The following DCAF1 variants were observed in gnomAD, a reference collection of about 807,000 sequenced individuals.
DCAF1 encodes DDB1 and CUL4 associated factor 1, also known as DDB1- and CUL4-associated factor 1.
Under a neutral mutation model 128.0 loss-of-function variants are expected in DCAF1, and 15 were observed. That is an observed-to-expected ratio of 0.12 (90% CI 0.08 to 0.18). The LOEUF is 0.18. Ranked by LOEUF, DCAF1 falls within the 10% of genes least tolerant of loss-of-function variation. The probability of loss-of-function intolerance (pLI) is 1.00; values close to 1 mark genes in which losing one functional copy is unlikely to be tolerated. For synonymous variants in DCAF1, 610 were observed against 603.0 expected, an observed-to-expected ratio of 1.01 and a Z score of -0.17; for missense variants, 988 against 1,649.5, an observed-to-expected ratio of 0.60 and a Z score of 6.95.
intron 23 of DCAF1, among the ~76,000 whole-genome samples, chr3:51,410,184 A>G (rs1341130751): frequency 2.0e-5 from 3 of 152,218 alleles, no homozygotes; most frequent in African/African-American, 2.4e-5. Flanking sequence ...GGCCCTGAGG[A>G]AGGCTCTGCT....
chr3:51,421,584 T>G (rs902535504), intron 14 of DCAF1, among the ~76,000 whole-genome samples: 14 of 152,218 alleles, frequency 9.2e-5, no homozygotes, highest in Middle Eastern at 3.4e-3. Context: ...TTTAATACAC[T>G]AAAACCTTAG....
chr3:51,480,472 G>A lies in DCAF1; in HGVS notation c.110+3247C>T, dbSNP rs189953186. 3.3e-3 allele frequency among the ~76,000 whole-genome samples: 505 copies of A among 151,844 alleles called. 3 individuals carry two copies. The highest frequency in any genetic ancestry group is 3.4e-3 in the Middle Eastern group (1 of 294). On this transcript the variant is annotated intron_variant, in intron 3 of 24. Coordinates refer to ENST00000684031, the MANE Select transcript of DCAF1 (RefSeq NM_001387579.1). Reference sequence around the variant, plus strand: ...AAGCTGGGCGTGCGTGGTGGTGGGCGCCTGTAATCCCAGCTACTCGGGAGG... The same window carrying A: ...AAGCTGGGCGTGCGTGGTGGTGGGCACCTGTAATCCCAGCTACTCGGGAGG...
At chr3:51,490,609 A>C (rs1707521318) in intron 2 of DCAF1, among the ~76,000 whole-genome samples, 1 of 152,186 alleles carries the variant, frequency 6.6e-6, no homozygotes, top group African/African-American at 2.4e-5. Flanking sequence ...TGGTCTACAA[A>C]TAAAATGCAA....
At chr3:51,495,976 A>T (rs1312510637) in intron 2 of DCAF1, among the ~76,000 whole-genome samples, 3 of 150,938 alleles carry the variant, frequency 2.0e-5, no homozygotes, top group African/African-American at 7.3e-5. Flanking sequence ...CCAGAGCAAA[A>T]GTGCGAGACC....
chr3:51,458,566 A>G (rs1178596693), intron 6 of DCAF1, among the ~76,000 whole-genome samples: 2 of 152,214 alleles, frequency 1.3e-5, no homozygotes, highest in Non-Finnish European at 2.9e-5. Flanking sequence ...AAGCGGACCT[A>G]ACAGACATCT....
chr3:51,438,911 G>A (rs781815578), intron 9 of DCAF1, among the ~76,000 whole-genome samples: 31 of 152,048 alleles, frequency 2.0e-4, no homozygotes, highest in Non-Finnish European at 2.2e-4. Context: ...GCGCTGCGCC[G>A]AAGTGTTATA....
At chr3:51,458,595 A>G (rs1703185745) in intron 6 of DCAF1, among the ~76,000 whole-genome samples, 2 of 152,306 alleles carry the variant, frequency 1.3e-5, no homozygotes, top group South Asian at 4.1e-4. Flanking sequence ...CTCTACCCCA[A>G]ATCAACAGAA....
downstream of DCAF1, chr3:51,397,750 C>G (rs2089303349): frequency 6.0e-6 from 1 of 167,070 alleles, no homozygotes; most frequent in South Asian, 2.1e-4. Context: ...CTCTCCTTGC[C>G]TCTCCTGGAA....
chr3:51,461,639 A>G (rs1280372651), intron 6 of DCAF1, among the ~76,000 whole-genome samples: 2 of 152,206 alleles, frequency 1.3e-5, no homozygotes, highest in African/African-American at 2.4e-5. Flanking sequence ...ACTATTCACA[A>G]TAGCAAAGAC....
upstream of DCAF1, among the ~76,000 whole-genome samples, chr3:51,503,501 C>T (rs1272685055): frequency 2.0e-5 from 3 of 152,214 alleles, no homozygotes; most frequent in African/African-American, 7.2e-5. Flanking sequence ...TCCTGCGCTT[C>T]CTCCAGCAAT....
intron 6 of DCAF1, among the ~76,000 whole-genome samples, chr3:51,456,354 G>A (rs1381878791): frequency 6.6e-6 from 1 of 152,336 alleles, no homozygotes; most frequent in Middle Eastern, 3.4e-3. Flanking sequence ...CAGTGAGACT[G>A]GGGGAGGGGC....
At position 51,420,169 on chromosome 3, in the gene DCAF1, C is replaced by T. The variant is rs114108730; in HGVS notation, c.2801G>A (p.Arg934Gln). The change falls in exon 15 of 25, where the codon CGG (arginine) becomes CAG (glutamine). Residue 934 changes from arginine (R) to glutamine (Q), a missense_variant. By Grantham distance (43) the Arg-to-Gln change is conservative (BLOSUM62 1). Coordinates refer to ENST00000684031, the MANE Select transcript of DCAF1 (RefSeq NM_001387579.1). The surrounding 1 kb of genome is among the most constrained non-coding windows in gnomAD (Gnocchi z 6.5). The stretch of plus-strand genomic sequence containing the variant: ...CAGAGCTAGCGGACCCTGGGGGGGC[C>T]GTGGCTGAGGATGAGCAGTAGGGGC... ...PSAPTAHPQP[R>Q]PPQGPLALPG... 5 of 1,613,914 alleles carry T rather than the reference C, an allele frequency of 3.1e-6. No individual in the cohort carries two copies. Among genetic ancestry groups the T allele is most frequent in the Non-Finnish European group, 3.4e-6 (4 of 1,179,876 alleles).
rs145122249 is a variant in DCAF1, at chr3:51,476,766, T to A, written c.111-5761A>T. On this transcript the variant is annotated intron_variant, in intron 3 of 24. Transcript: ENST00000684031. ...GTTGGCGGGTGCCTGTAATCCCAGA[T>A]ACTCAGGAGGCTGAGGCAGAATAGC... is the stretch of plus-strand genomic sequence containing the variant. Among the ~76,000 whole-genome samples, 648 of 151,786 alleles carry A rather than the reference T, an allele frequency of 4.3e-3. 1 individual carries two copies. The highest frequency in any genetic ancestry group is 6.6e-3 in the Non-Finnish European group (448 of 67,932).
chr3:51,451,828 T>A (rs1553641586), intron 6 of DCAF1, among the ~76,000 whole-genome samples: 2 of 152,008 alleles, frequency 1.3e-5, no homozygotes, highest in African/African-American at 4.8e-5. Flanking sequence ...CAACAACTTT[T>A]TAAAAACAGT....
At chr3:51,493,801 G>A (rs1026742982) in intron 2 of DCAF1, among the ~76,000 whole-genome samples, 1 of 152,000 alleles carries the variant, frequency 6.6e-6, no homozygotes, top group Admixed American at 6.6e-5. Flanking sequence ...TTCGAGACCA[G>A]CCTGGCCAAC....
At chr3:51,471,962 A>T (rs538364321) in intron 3 of DCAF1, among the ~76,000 whole-genome samples, 2 of 152,190 alleles carry the variant, frequency 1.3e-5, no homozygotes, top group African/African-American at 4.8e-5. Context: ...CACTTCTCTA[A>T]TTCTTGACCA....
At chr3:51,424,170 G>C (rs1699692754) in intron 13 of DCAF1, among the ~76,000 whole-genome samples, 1 of 152,088 alleles carries the variant, frequency 6.6e-6, no homozygotes, top group East Asian at 1.9e-4. Context: ...GGGAGACCAG[G>C]GCAGGTGGAT....
the DCAF1 span, among the ~76,000 whole-genome samples, chr3:51,505,609 C>T: frequency 6.6e-6 from 1 of 152,224 alleles, no homozygotes; most frequent in East Asian, 1.9e-4. Context: ...CCCCCTCTGC[C>T]CTGCTCCTGC....
chr3:51,441,656 C>G lies in DCAF1; in HGVS notation c.755G>C (p.Arg252Thr), dbSNP rs782626689. 2.5e-6 allele frequency: 4 copies of G among 1,613,956 alleles called. No homozygotes were observed. The highest frequency in any genetic ancestry group is 3.4e-6 in the Non-Finnish European group (4 of 1,179,876). The change falls in exon 8 of 25, where the codon AGA becomes ACA. Residue 252 changes from arginine to threonine, a missense_variant. Physicochemically the swap from Arg to Thr is moderately conservative, Grantham distance 71. Around this residue, in one of 11 missense-constraint regions of DCAF1, gnomAD observed 210 missense variants for 260.2 expected, o/e 0.81. Transcript: ENST00000684031. ...HLDSGHKTSS[R>T]VNSTTKPEDG... Reference sequence around the variant, plus strand: ...CTCAGGTTTGGTTGTTGAGTTCACTCTGCTACTAGTCTTGTGGCCTGAATC... The same window carrying G: ...CTCAGGTTTGGTTGTTGAGTTCACTGTGCTACTAGTCTTGTGGCCTGAATC...
Sources: allele counts gnomAD v4.1 joint callset (sites outside exome capture counted in the v4.1 genomes callset), GRCh38; gene constraint gnomAD v4.1.1; regional missense constraint gnomAD v4.1.1; non-coding constraint Gnocchi (gnomAD v3.1); transcripts MANE v1.5; gene names NCBI Gene and HGNC (gene_info 2026-07-23, HGNC 2026-07-21).